The following PRELID2 variants were observed in gnomAD, a reference collection of about 807,000 sequenced individuals.
The protein encoded by PRELID2 is PRELI domain-containing protein 2.
A neutral mutation model predicts 28.4 loss-of-function variants in PRELID2; 25 were observed. The observed-to-expected ratio is 0.88, with a 90% CI of 0.64 to 1.23. The LOEUF (loss-of-function observed/expected upper bound fraction) is 1.23, where lower values mean the gene tolerates loss of function less well. Among genes scored for constraint, PRELID2 ranks in the 50% most tolerant of loss-of-function variants. The pLI, the probability that PRELID2 is intolerant of heterozygous loss-of-function variation, is 0.00. For synonymous variants in PRELID2, 76 were observed against 71.6 expected, an observed-to-expected ratio of 1.06 and a Z score of -0.31; for missense variants, 201 against 214.4, an observed-to-expected ratio of 0.94 and a Z score of 0.39.
the PRELID2 span, among the ~76,000 whole-genome samples, chr5:145,438,819 T>C: frequency 6.6e-6 from 1 of 152,126 alleles, no homozygotes; most frequent in South Asian, 2.1e-4. Flanking sequence ...TCTCTAGTTC[T>C]TTGTGCACCT....
the PRELID2 span, among the ~76,000 whole-genome samples, chr5:145,347,103 C>T: frequency 3.9e-5 from 6 of 152,084 alleles, no homozygotes; most frequent in Non-Finnish European, 5.9e-5. Flanking sequence ...GCAGATCTCC[C>T]TGGGTGGACA....
chr5:145,431,313 G>C, the PRELID2 span, among the ~76,000 whole-genome samples: 1 of 152,046 alleles, frequency 6.6e-6, no homozygotes, highest in Middle Eastern at 3.2e-3. Flanking sequence ...AAAATTAAAA[G>C]ATATAGTAAT....
At chr5:145,437,647 T>C in the PRELID2 span, among the ~76,000 whole-genome samples, 10 of 152,098 alleles carry the variant, frequency 6.6e-5, no homozygotes, top group Non-Finnish European at 1.5e-4. Flanking sequence ...ACTGACCACA[T>C]GACTCTTCGT....
chr5:145,315,988 G>A, the PRELID2 span, among the ~76,000 whole-genome samples: 5 of 151,836 alleles, frequency 3.3e-5, no homozygotes, highest in African/African-American at 7.3e-5. Context: ...ATACTCTTGA[G>A]GTTATTTACC....
the PRELID2 span, among the ~76,000 whole-genome samples, chr5:145,353,468 A>AAAAAG: frequency 0.04 from 6,138 of 151,948 alleles, 233 homozygotes; most frequent in Admixed American, 0.11. Context: ...ATCTCAAAAA[A>AAAAAG]AAAAGAAAAG....
the PRELID2 span, among the ~76,000 whole-genome samples, chr5:145,315,070 T>TC: frequency 3.5e-5 from 5 of 143,692 alleles, no homozygotes; most frequent in Non-Finnish European, 6.1e-5. Context: ...AATTCTTTTT[T>TC]TTTTTTTTTT....
chr5:145,306,848 A>C, the PRELID2 span, among the ~76,000 whole-genome samples: 1 of 152,194 alleles, frequency 6.6e-6, no homozygotes, highest in Non-Finnish European at 1.5e-5. Flanking sequence ...TACTAAATGT[A>C]GTCATCTTTA....
chr5:145,744,815 T>C (rs918858055), intron 1 of PRELID2, among the ~76,000 whole-genome samples: 8 of 151,974 alleles, frequency 5.3e-5, no homozygotes, highest in African/African-American at 1.5e-4. Flanking sequence ...CTCCAAATGA[T>C]TGCAACGTTT....
chr5:145,812,392 G>A (rs1310835612), intron 4 of PRELID2, among the ~76,000 whole-genome samples: 3 of 152,264 alleles, frequency 2.0e-5, no homozygotes, highest in East Asian at 1.9e-4. Context: ...ACTGCCAACC[G>A]CTCAGATTCT....
the PRELID2 span, among the ~76,000 whole-genome samples, chr5:145,373,097 GAT>G: frequency 0.27 from 16,567 of 60,620 alleles, 6,572 homozygotes; most frequent in East Asian, 0.64. Flanking sequence ...TAATATATAT[GAT>G]ATATATTACA....
chr5:145,229,397 A>C, the PRELID2 span: 2 of 750,136 alleles, frequency 2.7e-6, no homozygotes, highest in South Asian at 2.7e-5. Flanking sequence ...CAAGGCTGGA[A>C]TCCTGGAGAA....
At chr5:145,507,317 C>T (rs1752420441) in intron 1 of PRELID2, among the ~76,000 whole-genome samples, 1 of 151,930 alleles carries the variant, frequency 6.6e-6, no homozygotes, top group African/African-American at 2.4e-5. Flanking sequence ...TGACCTAAGC[C>T]TTAGTATTAT....
chr5:145,401,376 T>G, the PRELID2 span, among the ~76,000 whole-genome samples: 1 of 152,162 alleles, frequency 6.6e-6, no homozygotes, highest in African/African-American at 2.4e-5. Context: ...CTAAGGTAAA[T>G]GAAGAACTTC....
chr5:145,405,492 C>T, the PRELID2 span, among the ~76,000 whole-genome samples: 14 of 152,180 alleles, frequency 9.2e-5, no homozygotes, highest in Non-Finnish European at 4.4e-5. Context: ...TGAGATCATG[C>T]AGTATTTTTC....
chr5:145,514,506 A>G (rs150819809), intron 1 of PRELID2, among the ~76,000 whole-genome samples: 55 of 152,098 alleles, frequency 3.6e-4, no homozygotes, highest in Non-Finnish European at 6.5e-4. Context: ...AAGCAAGTTC[A>G]TAAGACCTAC....
chr5:145,709,887 C>T (rs1035602225), intron 1 of PRELID2, among the ~76,000 whole-genome samples: 5 of 152,186 alleles, frequency 3.3e-5, no homozygotes, highest in Admixed American at 2.0e-4. Context: ...TGCAATAAAA[C>T]TTCTGGAGGT....
the PRELID2 span, among the ~76,000 whole-genome samples, chr5:145,249,300 A>T: frequency 6.6e-6 from 1 of 152,134 alleles, no homozygotes; most frequent in Non-Finnish European, 1.5e-5. Flanking sequence ...GCTTCTGCAA[A>T]TTTTAAACCT....
At chr5:145,591,619 C>T (rs1753230134) in intron 1 of PRELID2, among the ~76,000 whole-genome samples, 1 of 152,122 alleles carries the variant, frequency 6.6e-6, no homozygotes, top group Non-Finnish European at 1.5e-5. Context: ...TCACTGATTA[C>T]TCAAAAGCTC....
chr5:145,681,893 C>A (rs1754942828), intron 1 of PRELID2, among the ~76,000 whole-genome samples: 1 of 152,208 alleles, frequency 6.6e-6, no homozygotes, highest in African/African-American at 2.4e-5. Flanking sequence ...ATTATACCTG[C>A]TCATGCCAAA....
Sources: allele counts gnomAD v4.1 joint callset (sites outside exome capture counted in the v4.1 genomes callset), GRCh38; gene constraint gnomAD v4.1.1; transcripts MANE v1.5; gene names NCBI Gene and HGNC (gene_info 2026-07-23, HGNC 2026-07-21).